DZIP1L: variants seen among roughly 807,000 people sequenced by gnomAD.
DZIP1L encodes the protein cilium assembly protein DZIP1L.
Under a neutral mutation model 88.7 loss-of-function variants are expected in DZIP1L, and 90 were observed. The ratio of observed to expected loss-of-function variants is 1.02; its 90% CI spans 0.86 to 1.21. The LOEUF (loss-of-function observed/expected upper bound fraction) is 1.21, where lower values mean the gene tolerates loss of function less well. Among genes scored for constraint, DZIP1L ranks in the 50% most tolerant of loss-of-function variants. DZIP1L has a pLI of 0.00. For missense variants in DZIP1L, 932 were observed against 955.8 expected, an observed-to-expected ratio of 0.98 and a Z score of 0.33; for synonymous variants, 363 against 372.1, an observed-to-expected ratio of 0.98 and a Z score of 0.28.
rs140443333 is a variant in DZIP1L at position 138,071,677 on chromosome 3, G to C, written c.1581C>G (p.Gly527=). The C allele has an allele frequency of 6.2e-7, 1 of 1,614,044 alleles. No individual in the cohort carries two copies. Among genetic ancestry groups the C allele is most frequent in the Non-Finnish European group, 8.5e-7 (1 of 1,179,934 alleles). The change falls in exon 12 of 16, where the codon GGC becomes GGG. Residue 527 remains glycine (G), a synonymous_variant. Transcript: ENST00000327532. The part of the protein sequence containing the change: ...TSRAKERQEN[G]AVVSQPDGQP... ...GCCCGTCTGGCTGGGACACCACAGCGCCATTCTCCTGTCTCTCCTTCGCTC... is the reference window on the plus strand; with the variant it reads ...GCCCGTCTGGCTGGGACACCACAGCCCCATTCTCCTGTCTCTCCTTCGCTC...
At chr3:138,074,571 T>C (rs1225421420) in intron 11 of DZIP1L, among the ~76,000 whole-genome samples, 1 of 152,014 alleles carries the variant, frequency 6.6e-6, no homozygotes, top group African/African-American at 2.4e-5. Flanking sequence ...CTCTAAATCT[T>C]CTTTTTTAAT....
At chr3:138,105,748 AC>A (rs1313864640) in intron 1 of DZIP1L, among the ~76,000 whole-genome samples, 1 of 152,232 alleles carries the variant, frequency 6.6e-6, no homozygotes, top group Admixed American at 6.5e-5. Context: ...CCATACACAC[AC>A]ATACATATGA....
At chr3:138,103,038 T>C (rs770180587) in intron 2 of DZIP1L, 6 of 435,728 alleles carry the variant, frequency 1.4e-5, no homozygotes, top group Middle Eastern at 6.6e-4. Context: ...TCCAGAGTTG[T>C]ATCCTTTATA....
chr3:138,067,483 G>T, intron 14 of DZIP1L, 48 bp downstream of exon 14: 1 of 1,532,638 alleles, frequency 6.5e-7, no homozygotes, highest in South Asian at 1.3e-5. Context: ...GGCTGGAGAA[G>T]GGCTACACCG....
chr3:138,107,029 A>G (rs2042515713), intron 1 of DZIP1L, among the ~76,000 whole-genome samples: 1 of 152,208 alleles, frequency 6.6e-6, no homozygotes, highest in Non-Finnish European at 1.5e-5. Flanking sequence ...GAAGGTGCTC[A>G]GTGATAACAA....
intron 14 of DZIP1L, among the ~76,000 whole-genome samples, chr3:138,065,779 A>C (rs982072665): frequency 6.6e-6 from 1 of 152,236 alleles, no homozygotes; most frequent in Non-Finnish European, 1.5e-5. Flanking sequence ...ACAAAACTCT[A>C]AATTCCATAT....
At chr3:138,113,959 G>C (rs905931391) in intron 1 of DZIP1L, among the ~76,000 whole-genome samples, 3 of 152,218 alleles carry the variant, frequency 2.0e-5, no homozygotes, top group Non-Finnish European at 4.4e-5. Context: ...TCTCTTGGGA[G>C]TGTTTTAGAG....
chr3:138,102,043 G>T (rs2042334963), intron 2 of DZIP1L: 2 of 1,473,102 alleles, frequency 1.4e-6, no homozygotes, highest in Non-Finnish European at 1.9e-6. Context: ...TTCCCAGCCA[G>T]CATCTGCAGC....
At chr3:138,068,996 A>G in intron 12 of DZIP1L, 1 of 1,277,636 alleles carries the variant, frequency 7.8e-7, no homozygotes, top group Non-Finnish European at 9.9e-7. Flanking sequence ...TCACAATGTA[A>G]AATGAGTTTC....
intron 2 of DZIP1L, chr3:138,101,790 C>G: frequency 8.7e-7 from 1 of 1,153,188 alleles, no homozygotes; most frequent in Non-Finnish European, 1.3e-6. Flanking sequence ...CCAGGGCCAG[C>G]TTGACATTCA....
Position 138,068,388 on chromosome 3 carries a change from GA to G in DZIP1L, c.1616-22del, listed in dbSNP as rs754110731. The G allele has an allele frequency of 4.8e-6, 7 of 1,472,506 alleles. No homozygotes were observed. The Admixed American group carries it at 6.8e-5, about 14-fold the overall frequency. 91.2% of individuals were successfully genotyped at this position (1,472,506 alleles called of 1,614,324 possible). A position where few individuals can be genotyped will look rare whatever the true frequency, so the allele number is the denominator to read the frequency against. Reference sequence around the variant, plus strand: ...TTTGACTGGAAACACAGAAAGGAATGATTTTTGGAGTACACCCATGCTGGAT... The same window carrying G: ...TTTGACTGGAAACACAGAAAGGAATGTTTTTGGAGTACACCCATGCTGGAT... On this transcript the variant is annotated intron_variant, in intron 12 of 15. Coordinates refer to ENST00000327532, the MANE Select transcript of DZIP1L (RefSeq NM_173543.3).
At position 138,062,718 on chromosome 3, in the gene DZIP1L, T is replaced by G. The variant is rs2107725379; in HGVS notation, c.*98A>C. 7.3e-7 allele frequency: 1 copy of G among 1,364,352 alleles called. No homozygotes were observed. The highest frequency in any genetic ancestry group is 1.0e-6 in the Non-Finnish European group (1 of 974,882). The allele number at this position is 1,364,352 out of a possible 1,614,324, so 84.5% of individuals were successfully genotyped here. ...CTCCAAGAGGATGATCTCTTGGTTG[T>G]TTGTGAAGACAAGAGGCCCAGCAGC... On this transcript the variant is annotated 3_prime_UTR_variant, in exon 16 of 16. Coordinates refer to ENST00000327532, the MANE Select transcript of DZIP1L (RefSeq NM_173543.3).
At position 138,064,763 on chromosome 3, in the gene DZIP1L, T is replaced by A. The variant is rs768574085; in HGVS notation, c.2007A>T (p.Thr669=). ...NAQPPGQGSG[T]LVQSMVKNLE... is the part of the protein sequence containing the mutation. ...GGTTTTTGACCATCGACTGCACCAG[T>A]GTTCCTGGAAGGTGAAAAAGTGGCT... Residue 669 remains threonine, a synonymous_variant, in exon 15 of 16, where the codon ACA becomes ACT. Transcript: ENST00000327532. 1 of 1,570,268 alleles carries A rather than the reference T, an allele frequency of 6.4e-7. No individual in the cohort carries two copies. Among genetic ancestry groups the A allele is most frequent in the Non-Finnish European group, 8.6e-7 (1 of 1,162,130 alleles).
At chr3:138,103,371 C>A in intron 2 of DZIP1L, 100 bp downstream of exon 2, 3 of 1,339,740 alleles carry the variant, frequency 2.2e-6, no homozygotes, top group Non-Finnish European at 2.0e-6. Flanking sequence ...AGCCCCCCAG[C>A]AGCCTTAAGG....
Position 138,062,641 on chromosome 3 carries a change from C to T in DZIP1L, c.*175G>A. 1 of 693,212 alleles carries T rather than the reference C, an allele frequency of 1.4e-6. No individual in the cohort carries two copies. 42.9% of individuals were successfully genotyped at this position (693,212 alleles called of 1,614,324 possible). On this transcript the variant is annotated 3_prime_UTR_variant, in exon 16 of 16. Transcript: ENST00000327532. ...GCACCTGTGGCCATCTACAGCAGGG[C>T]CCCTCACAGGTCAGGAGGGATGAGA...
rs1054726585 is a variant in DZIP1L at position 138,068,758 on chromosome 3, C to T, written c.1616-391G>A. On this transcript the variant is annotated intron_variant, in intron 12 of 15. Coordinates refer to ENST00000327532, the MANE Select transcript of DZIP1L (RefSeq NM_173543.3). Reference sequence around the variant, plus strand: ...GCAGTCCTGCAGGAAGACCCCACTGCCACCAGAGGTCGCCGCAGGACTGCA... The same window carrying T: ...GCAGTCCTGCAGGAAGACCCCACTGTCACCAGAGGTCGCCGCAGGACTGCA... 9.8e-5 allele frequency among the ~76,000 whole-genome samples: 15 copies of T among 152,292 alleles called. No individual in the cohort carries two copies. The Middle Eastern group carries it at 0.01, about 104-fold the overall frequency.
chr3:138,068,341 T>A lies in DZIP1L; in HGVS notation c.1642A>T (p.Thr548Ser), dbSNP rs1481754211. 3.8e-6 allele frequency: 6 copies of A among 1,564,324 alleles called. No individual in the cohort carries two copies. In the Admixed American group the frequency reaches 7.4e-5, roughly 19 times the overall value. ...CTGGTCTTTGGCTGGGCCTCTCTGG[T>A]GACCAGTGTGCTCTGCTGGCTTTTG... Reference protein sequence around the residue: ...SVKSQQSTLVTREAQPKTRTL... With the variant: ...SVKSQQSTLVSREAQPKTRTL... The change falls in exon 13 of 16, where the codon ACC becomes TCC. Residue 548 changes from threonine (T) to serine (S), a missense_variant. By Grantham distance (58) the Thr-to-Ser change is moderately conservative. Transcript: ENST00000327532.
At chr3:138,111,275 G>A (rs2042615159) in intron 1 of DZIP1L, among the ~76,000 whole-genome samples, 1 of 152,214 alleles carries the variant, frequency 6.6e-6, no homozygotes, top group Non-Finnish European at 1.5e-5. Flanking sequence ...TTAGTACAAA[G>A]AGTAAAAGCT....
intron 2 of DZIP1L, chr3:138,102,350 C>A: frequency 8.2e-7 from 1 of 1,213,000 alleles, no homozygotes. Context: ...ATTTATTCTC[C>A]ATCTTTGTAT....
Sources: gnomAD v4.1 joint callset for allele counts (sites outside exome capture counted in the v4.1 genomes callset) on GRCh38, gnomAD v4.1.1 for gene constraint, MANE v1.5 for transcripts, NCBI Gene and HGNC (gene_info 2026-07-23, HGNC 2026-07-21) for gene names.